Variants in LUZP2 observed in about 807,000 individuals in gnomAD.
The protein encoded by LUZP2 is leucine zipper protein 2.
Under a neutral mutation model 51.6 loss-of-function variants are expected in LUZP2, and 52 were observed. That is an observed-to-expected ratio of 1.01 (90% CI 0.81 to 1.27). LUZP2 has a LOEUF of 1.27. Ranked by LOEUF, LUZP2 falls within the 50% of genes most tolerant of loss-of-function variation. The pLI is 0.00. For synonymous variants in LUZP2, 154 were observed against 137.3 expected (o/e 1.12, Z -0.85); for missense variants, 436 against 395.4 (o/e 1.10, Z -0.87).
intron 5 of LUZP2, among the ~76,000 whole-genome samples, chr11:24,814,325 T>A (rs1245508186): frequency 8.2e-6 from 1 of 122,242 alleles, no homozygotes; most frequent in African/African-American, 3.1e-5. Flanking sequence ...AAGTACTTCA[T>A]GGATATGTAT....
chr11:24,909,947 A>G (rs76706636), intron 6 of LUZP2, among the ~76,000 whole-genome samples: 5,489 of 152,222 alleles, frequency 0.036, 280 homozygotes, highest in African/African-American at 0.11. Flanking sequence ...GTAGTTTGGA[A>G]CTTCCTAGAG....
intron 1 of LUZP2, among the ~76,000 whole-genome samples, chr11:24,595,265 C>T (rs1415155915): frequency 6.6e-6 from 1 of 151,598 alleles, no homozygotes; most frequent in Non-Finnish European, 1.5e-5. Flanking sequence ...AAGTTCAGCT[C>T]TGTTGAGTAT....
At chr11:24,855,762 AATAG>A (rs1184446299) in intron 5 of LUZP2, among the ~76,000 whole-genome samples, 4 of 152,184 alleles carry the variant, frequency 2.6e-5, no homozygotes. Flanking sequence ...CTGGTGTAAA[AATAG>A]ATAGAACAAT....
At chr11:24,676,975 CAT>C (rs1368415991) in intron 1 of LUZP2, among the ~76,000 whole-genome samples, 1 of 152,142 alleles carries the variant, frequency 6.6e-6, no homozygotes, top group Non-Finnish European at 1.5e-5. Flanking sequence ...CCAAGCCTCT[CAT>C]AGCTTTTACA....
chr11:25,045,383 A>T (rs2134014718), intron 9 of LUZP2, among the ~76,000 whole-genome samples: 1 of 151,684 alleles, frequency 6.6e-6, no homozygotes, highest in East Asian at 2.0e-4. Flanking sequence ...CGTAAAGAAT[A>T]ACTGAAAAAA....
intron 1 of LUZP2, among the ~76,000 whole-genome samples, chr11:24,549,085 A>T (rs1377989213): frequency 1.3e-5 from 2 of 151,902 alleles, no homozygotes; most frequent in Non-Finnish European, 2.9e-5. Context: ...TTTAATTTTA[A>T]TTTTTTGATT....
intron 1 of LUZP2, among the ~76,000 whole-genome samples, chr11:24,667,201 T>TTTA (rs1856244581): frequency 6.7e-6 from 1 of 150,340 alleles, no homozygotes; most frequent in African/African-American, 2.4e-5. Flanking sequence ...TTTTTTTTTT[T>TTTA]GAGACGGAGT....
intron 9 of LUZP2, among the ~76,000 whole-genome samples, chr11:24,999,403 AG>A (rs1247145138): frequency 2.5e-5 from 3 of 120,826 alleles, no homozygotes; most frequent in East Asian, 4.0e-4. Context: ...GGGGAGGAGG[AG>A]GAAGGAGAAG....
At chr11:24,620,473 A>C (rs1305021713) in intron 1 of LUZP2, among the ~76,000 whole-genome samples, 2 of 152,166 alleles carry the variant, frequency 1.3e-5, no homozygotes, top group Admixed American at 6.6e-5. Flanking sequence ...TAATATTTGC[A>C]CCTGAGGAAA....
chr11:24,563,429 A>G (rs572788102), intron 1 of LUZP2, among the ~76,000 whole-genome samples: 50 of 152,316 alleles, frequency 3.3e-4, no homozygotes, highest in African/African-American at 1.2e-3. Context: ...TTAATACACA[A>G]GCAAACTTAA....
At chr11:24,670,961 C>A (rs947397669) in intron 1 of LUZP2, among the ~76,000 whole-genome samples, 3 of 151,680 alleles carry the variant, frequency 2.0e-5, no homozygotes, top group African/African-American at 7.2e-5. Flanking sequence ...TTTTCATTTT[C>A]TTTTAAAGCT....
At chr11:25,018,049 T>TTTGTTTGTTTTG (rs1554955738) in intron 9 of LUZP2, among the ~76,000 whole-genome samples, 5 of 100,968 alleles carry the variant, frequency 5.0e-5, no homozygotes, top group African/African-American at 6.6e-5. Flanking sequence ...TTTTTTTTTG[T>TTTGTTTGTTTTG]TTTTTTTTTT....
intron 9 of LUZP2, among the ~76,000 whole-genome samples, chr11:24,987,421 GA>G (rs1182327314): frequency 1.3e-5 from 2 of 151,942 alleles, no homozygotes; most frequent in Admixed American, 1.3e-4. Flanking sequence ...AAAGACACCA[GA>G]AATGAAAAGC....
At chr11:25,056,949 A>C (rs989885578) in intron 10 of LUZP2, among the ~76,000 whole-genome samples, 1 of 152,020 alleles carries the variant, frequency 6.6e-6, no homozygotes, top group Non-Finnish European at 1.5e-5. Flanking sequence ...AAATACAAAA[A>C]ATTAGCTGGG....
In LUZP2 at chr11:24,856,542, A is replaced by G. The variant is rs770917663; in HGVS notation, c.397-49449A>G. Among the ~76,000 whole-genome samples the G allele has an allele frequency of 2.6e-5, 4 of 152,130 alleles. No individual in the cohort carries two copies. In the South Asian group the frequency reaches 8.3e-4, roughly 31 times the overall value. On this transcript the variant is annotated intron_variant, in intron 5 of 11. Transcript: ENST00000336930. ...AAATATTTTGCAAAGAACTAAAAAT[A>G]GAATTATCATTCGATCCAGGTACAC...
At chr11:24,634,153 T>C (rs1854993504) in intron 1 of LUZP2, among the ~76,000 whole-genome samples, 1 of 152,042 alleles carries the variant, frequency 6.6e-6, no homozygotes, top group African/African-American at 2.4e-5. Flanking sequence ...TAAATGAATT[T>C]TTGTGAGAAT....
chr11:24,611,475 AATAGAT>A lies in LUZP2; in HGVS notation c.62+114175_62+114180del, dbSNP rs1854116900. Among the ~76,000 whole-genome samples, 1 of 152,160 alleles carries A rather than the reference AATAGAT, an allele frequency of 6.6e-6. No individual in the cohort carries two copies. Among genetic ancestry groups the A allele is most frequent in the South Asian group, 2.1e-4 (1 of 4,838 alleles). On this transcript the variant is annotated intron_variant, in intron 1 of 11. Transcript: ENST00000336930. This position sits in a 1 kb window ranked among gnomAD's most constrained non-coding sequence, Gnocchi z 4.6. ...CATGTTGCAATGTGATATACACTCT[AATAGAT>A]ATAGGTGATCTCAGACAGGGCTTGT...
chr11:25,044,399 T>C (rs1462968023), intron 9 of LUZP2, among the ~76,000 whole-genome samples: 1 of 151,464 alleles, frequency 6.6e-6, no homozygotes, highest in Non-Finnish European at 1.5e-5. Flanking sequence ...CTGGTGTTAA[T>C]TAATCAGTTT....
At chr11:24,623,772 G>A (rs995446769) in intron 1 of LUZP2, among the ~76,000 whole-genome samples, 7 of 152,136 alleles carry the variant, frequency 4.6e-5, no homozygotes, top group African/African-American at 1.4e-4. Flanking sequence ...GCTTGAATCC[G>A]GGAGGTGGAG....
Sources: gnomAD v4.1 joint callset for allele counts (sites outside exome capture counted in the v4.1 genomes callset) on GRCh38, gnomAD v4.1.1 for gene constraint, Gnocchi (gnomAD v3.1) non-coding constraint, MANE v1.5 for transcripts, NCBI Gene and HGNC (gene_info 2026-07-23, HGNC 2026-07-21) for gene names.